GPR132: variants seen among roughly 807,000 people sequenced by gnomAD.
GPR132 encodes G protein-coupled receptor 132, also known as probable G protein-coupled receptor 132.
Under a neutral mutation model 1.9 loss-of-function variants are expected in GPR132, and 4 were observed. That is an observed-to-expected ratio of 2.13 (90% confidence interval 1.05 to 4.87). GPR132 has a LOEUF of 4.87. GPR132 is among the 30% of genes most tolerant of loss of function. GPR132 has a pLI of 0.01. For missense variants in GPR132, 404 were observed against 512.5 expected (o/e 0.79, Z 2.04); for synonymous variants, 233 against 234.2 (o/e 0.99, Z 0.05).
rs1333414616 is a variant in GPR132 at position 105,059,441 on chromosome 14, T to G, written c.-860-2161A>C. 6.6e-6 allele frequency among the ~76,000 whole-genome samples: 1 copy of G among 152,168 alleles called. No homozygotes were observed. The highest frequency in any genetic ancestry group is 1.5e-5 in the Non-Finnish European group (1 of 68,020). On this transcript the variant is annotated intron_variant, in intron 1 of 3. Coordinates refer to ENST00000329797, the MANE Select transcript of GPR132 (RefSeq NM_013345.4). This position sits in a 1 kb window ranked among gnomAD's most constrained non-coding sequence, Gnocchi z 4.2. The stretch of plus-strand genomic sequence containing the variant: ...TCTTGGGCCCCTTCAAGCTGGGAAC[T>G]GCTCAGCGCCGATCTGCCTGGCGTT...
chr14:105,059,387 T>C lies in GPR132; in HGVS notation c.-860-2107A>G, dbSNP rs1048805994. ...GTGTGTTGACATCCCCAGCTGCCCT[T>C]TCAAGTATATTTCTGTGAAAGGAAA... is the stretch of plus-strand genomic sequence containing the variant. On this transcript the variant is annotated intron_variant, in intron 1 of 3. Coordinates refer to ENST00000329797, the MANE Select transcript of GPR132 (RefSeq NM_013345.4). This position sits in a 1 kb window ranked among gnomAD's most constrained non-coding sequence, Gnocchi z 4.2. 4.6e-5 allele frequency among the ~76,000 whole-genome samples: 7 copies of C among 152,190 alleles called. No individual in the cohort carries two copies. The highest frequency in any genetic ancestry group is 7.2e-5 in the African/African-American group (3 of 41,438).
In GPR132 at chr14:105,059,152, C is replaced by T. The variant is rs776430730; in HGVS notation, c.-860-1872G>A. On this transcript the variant is annotated intron_variant, in intron 1 of 3. Transcript: ENST00000329797. The surrounding 1 kb of genome is among the most constrained non-coding windows in gnomAD (Gnocchi z 4.2). ...CTCCCCTCCCAGGGCAGGGCCGGCCCGGCTGCGGGCAGAGCCCCTACACAG... is the reference window on the plus strand; with the variant it reads ...CTCCCCTCCCAGGGCAGGGCCGGCCTGGCTGCGGGCAGAGCCCCTACACAG... Among the ~76,000 whole-genome samples, 25 of 152,346 alleles carry T rather than the reference C, an allele frequency of 1.6e-4. No homozygotes were observed. The highest frequency in any genetic ancestry group is 2.6e-4 in the Non-Finnish European group (18 of 68,026).
rs1036342744 is a variant in GPR132 at position 105,050,252 on chromosome 14, T to G, written c.*742A>C. On this transcript the variant is annotated 3_prime_UTR_variant, in exon 4 of 4. Transcript: ENST00000329797. This position sits in a 1 kb window ranked among gnomAD's most constrained non-coding sequence, Gnocchi z 4.0. ...ACCCTGTACGGACCCCTCACCAGCA[T>G]CTCCCCGAGGATGCCGCTGGGGACT... 5 of 152,414 alleles carry G rather than the reference T, an allele frequency of 3.3e-5. No homozygotes were observed. The highest frequency in any genetic ancestry group is 1.2e-4 in the African/African-American group (5 of 41,440). 9.4% of individuals were successfully genotyped at this position (152,414 alleles called of 1,614,324 possible). A position where few individuals can be genotyped will look rare whatever the true frequency, so the allele number is the denominator to read the frequency against.
In GPR132 at chr14:105,056,724, G is replaced by A. The variant is rs1287621169; in HGVS notation, c.-747+443C>T. On this transcript the variant is annotated intron_variant, in intron 2 of 3. Transcript: ENST00000329797. This position sits in a 1 kb window ranked among gnomAD's most constrained non-coding sequence, Gnocchi z 6.0. ...TGTGGCTCTGTGCCCATCTGGTGAG[G>A]AGGCTGTCCCCCGCTCCCCCGCCTC... Among the ~76,000 whole-genome samples, 3 of 152,214 alleles carry A rather than the reference G, an allele frequency of 2.0e-5. No individual in the cohort carries two copies. The highest frequency in any genetic ancestry group is 7.2e-5 in the African/African-American group (3 of 41,454).
rs57510708 is a variant in GPR132 at position 105,062,578 on chromosome 14, T to C, written c.-861+2801A>G. Among the ~76,000 whole-genome samples, 198 of 150,202 alleles carry C rather than the reference T, an allele frequency of 1.3e-3. 6 individuals are homozygous for C. In the East Asian group the frequency reaches 0.024, roughly 18 times the overall value. The stretch of plus-strand genomic sequence containing the variant: ...TTTTTTGAGATGGAGTCTTGCTCTG[T>C]TGCCCAGGCTGGAGTAAAGTGGCGC... On this transcript the variant is annotated intron_variant, in intron 1 of 3. Transcript: ENST00000329797.
chr14:105,064,769 A>T (rs1478250242), intron 1 of GPR132, among the ~76,000 whole-genome samples: 2 of 152,184 alleles, frequency 1.3e-5, no homozygotes, highest in Non-Finnish European at 2.9e-5. Context: ...GTACAGACCC[A>T]CGTCATGCAC....
chr14:105,057,684 C>G (rs561363019), intron 1 of GPR132, among the ~76,000 whole-genome samples: 1,497 of 144,692 alleles, frequency 0.01, 15 homozygotes, highest in Non-Finnish European at 0.016. Context: ...CCACCCCCAG[C>G]TAATTTTTTT....
intron 3 of GPR132, chr14:105,054,450 G>C (rs1226589775): frequency 3.1e-5 from 28 of 911,182 alleles, no homozygotes; most frequent in Non-Finnish European, 1.5e-5. Context: ...TTGAGACGTA[G>C]TCTCAAAAAA....
chr14:105,055,128 C>A lies in GPR132; in HGVS notation c.34+259G>T, dbSNP rs544842189. The stretch of plus-strand genomic sequence containing the variant: ...GTGGATCACCCGAGGTCTGGAGTTC[C>A]AGACCAGCCTGACCAACATGGTGAA... On this transcript the variant is annotated intron_variant, in intron 3 of 3. Transcript: ENST00000329797. The surrounding 1 kb of genome is among the most constrained non-coding windows in gnomAD (Gnocchi z 4.7). 1.8e-4 allele frequency among the ~76,000 whole-genome samples: 27 copies of A among 151,292 alleles called. No individual in the cohort carries two copies. The highest frequency in any genetic ancestry group is 3.5e-4 in the Non-Finnish European group (24 of 67,896).
rs1056954738 is a variant in GPR132 at position 105,055,008 on chromosome 14, A to T, written c.34+379T>A. Among the ~76,000 whole-genome samples the T allele has an allele frequency of 3.6e-5, 5 of 137,252 alleles. No homozygotes were observed. The highest frequency in any genetic ancestry group is 1.1e-4 in the African/African-American group (4 of 35,406). The allele number at this position is 137,252 out of a possible 152,430, so 90.0% of individuals were successfully genotyped here. Reference sequence around the variant, plus strand: ...CACTGCACTCCAGCCAGGGCAACAGAGCAAGACTCCATCTCAAAAAAAAAA... The same window carrying T: ...CACTGCACTCCAGCCAGGGCAACAGTGCAAGACTCCATCTCAAAAAAAAAA... On this transcript the variant is annotated intron_variant, in intron 3 of 3. Transcript: ENST00000329797. This position sits in a 1 kb window ranked among gnomAD's most constrained non-coding sequence, Gnocchi z 4.7.
In GPR132 at chr14:105,060,321, G is replaced by A. The variant is rs1352224165; in HGVS notation, c.-860-3041C>T. ...GAAGCAGTGAGCCGGAACCAGGAGGGCCAAGGAAGGCAGACCCCCAGCCAG... is the reference window on the plus strand; with the variant it reads ...GAAGCAGTGAGCCGGAACCAGGAGGACCAAGGAAGGCAGACCCCCAGCCAG... On this transcript the variant is annotated intron_variant, in intron 1 of 3. Transcript: ENST00000329797. This position sits in a 1 kb window ranked among gnomAD's most constrained non-coding sequence, Gnocchi z 6.3. Among the ~76,000 whole-genome samples, 1 of 152,212 alleles carries A rather than the reference G, an allele frequency of 6.6e-6. No homozygotes were observed.
intron 2 of GPR132, 101 bp downstream of exon 2, chr14:105,057,066 A>G: frequency 1.2e-6 from 1 of 828,140 alleles, no homozygotes. Flanking sequence ...TCGATAATCT[A>G]TTTTTATGCG....
At position 105,051,590 on chromosome 14, in the gene GPR132, T is replaced by C. The variant is rs151275123; in HGVS notation, c.547A>G (p.Lys183Glu). The C allele has an allele frequency of 2.5e-6, 4 of 1,614,032 alleles. No homozygotes were observed. The highest frequency in any genetic ancestry group is 2.2e-5 in the East Asian group (1 of 44,884). ...TGCAGCATGTCAAAGCAGGTCTCCT[T>C]GTCTTCCGTCTGGAACACCGGGTAG... is the stretch of plus-strand genomic sequence containing the variant. ...VHYPVFQTED[K>E]ETCFDMLQMD... The change falls in exon 4 of 4, where the codon AAG becomes GAG. Residue 183 changes from lysine to glutamate, a missense_variant. Transcript: ENST00000329797. The surrounding 1 kb of genome is among the most constrained non-coding windows in gnomAD (Gnocchi z 8.0).
At chr14:105,057,511 C>CTTTTTT (rs11299805) in intron 1 of GPR132, 19 of 88,872 alleles carry the variant, frequency 2.1e-4, no homozygotes, top group South Asian at 2.6e-4. Flanking sequence ...ACATACGATT[C>CTTTTTT]TTTTTTTTTT....
rs531423939 is a variant in GPR132 at position 105,059,620 on chromosome 14, G to A, written c.-860-2340C>T. On this transcript the variant is annotated intron_variant, in intron 1 of 3. Coordinates refer to ENST00000329797, the MANE Select transcript of GPR132 (RefSeq NM_013345.4). This position sits in a 1 kb window ranked among gnomAD's most constrained non-coding sequence, Gnocchi z 4.2. ...GGTTGGGAAGCCCCCTCCCTGCTTC[G>A]AGTTGTCCCCACCTTTCTGGACGGA... is the stretch of plus-strand genomic sequence containing the variant. Among the ~76,000 whole-genome samples, 2 of 151,822 alleles carry A rather than the reference G, an allele frequency of 1.3e-5. No individual in the cohort carries two copies. The highest frequency in any genetic ancestry group is 2.0e-4 in the East Asian group (1 of 5,120).
intron 3 of GPR132, chr14:105,054,198 T>G: frequency 8.1e-7 from 1 of 1,235,248 alleles, no homozygotes; most frequent in South Asian, 1.4e-5. Context: ...CCAAACTTAT[T>G]GGGCCACAGC....
chr14:105,052,294 A>G (rs1886671898), intron 3 of GPR132, among the ~76,000 whole-genome samples, 192 bp from the exon 4 acceptor site: 1 of 152,242 alleles, frequency 6.6e-6, no homozygotes, highest in Admixed American at 6.5e-5. Flanking sequence ...CGTCATGGAC[A>G]AAGAATGCAG....
Position 105,051,759 on chromosome 14 carries a change from G to A in GPR132, c.378C>T (p.Ile126=). The A allele has an allele frequency of 6.2e-7, 1 of 1,614,192 alleles. No homozygotes were observed. The highest frequency in any genetic ancestry group is 2.2e-5 in the East Asian group (1 of 44,884). The change falls in exon 4 of 4, where the codon ATC becomes ATT. Residue 126 remains isoleucine, a synonymous_variant. Coordinates refer to ENST00000329797, the MANE Select transcript of GPR132 (RefSeq NM_013345.4). This position sits in a 1 kb window ranked among gnomAD's most constrained non-coding sequence, Gnocchi z 8.0. ...KVTAYIFFCN[I]YVSILFLCCI... is the part of the protein sequence containing the mutation. ...AGCACAGGAAGAGGATGCTGACGTA[G>A]ATGTTGCAGAAGAAGATGTAGGCGG... is the stretch of plus-strand genomic sequence containing the variant.
intron 3 of GPR132, among the ~76,000 whole-genome samples, chr14:105,052,416 C>T (rs1165408703): frequency 6.6e-6 from 1 of 152,100 alleles, no homozygotes; most frequent in Non-Finnish European, 1.5e-5. Context: ...CAACCTCTGC[C>T]TCCTGGGTTC....
Sources: allele counts gnomAD v4.1 joint callset (sites outside exome capture counted in the v4.1 genomes callset), GRCh38; gene constraint gnomAD v4.1.1; non-coding constraint Gnocchi (gnomAD v3.1); transcripts MANE v1.5; gene names NCBI Gene and HGNC (gene_info 2026-07-23, HGNC 2026-07-21).